The following CNTN5 variants were observed in gnomAD, a reference collection of about 807,000 sequenced individuals.
CNTN5 encodes the protein contactin-5.
A neutral mutation model predicts 129.1 loss-of-function variants in CNTN5; 77 were observed. The ratio of observed to expected loss-of-function variants is 0.60; its 90% CI spans 0.50 to 0.72. The LOEUF (loss-of-function observed/expected upper bound fraction) is 0.72. CNTN5 is among the 30% of genes least tolerant of loss of function. The pLI is 0.00. For synonymous variants in CNTN5, 509 were observed against 465.6 expected, an observed-to-expected ratio of 1.09 and a Z score of -1.20; for missense variants, 1,478 against 1,328.8, an observed-to-expected ratio of 1.11 and a Z score of -1.75.
intron 6 of CNTN5, among the ~76,000 whole-genome samples, chr11:99,914,777 A>G (rs1298224043): frequency 6.6e-6 from 1 of 152,100 alleles, no homozygotes; most frequent in Non-Finnish European, 1.5e-5. Context: ...TTCACTACTT[A>G]TTAGACCCCC....
chr11:99,557,038 A>G (rs139703024), intron 3 of CNTN5, among the ~76,000 whole-genome samples: 72 of 151,368 alleles, frequency 4.8e-4, no homozygotes, highest in African/African-American at 1.6e-3. Flanking sequence ...TTAAATCAGT[A>G]CCTATATTGT....
At chr11:99,786,110 C>A (rs934237512) in intron 3 of CNTN5, among the ~76,000 whole-genome samples, 1 of 151,946 alleles carries the variant, frequency 6.6e-6, no homozygotes. Flanking sequence ...AAAACCCCGT[C>A]GTCTCAGCCC....
intron 6 of CNTN5, among the ~76,000 whole-genome samples, chr11:99,889,522 A>T: frequency 6.7e-6 from 1 of 149,608 alleles, no homozygotes; most frequent in Non-Finnish European, 1.5e-5. Context: ...AAATTCCACT[A>T]GACATTCTTT....
At chr11:99,509,219 T>C (rs79738951) in intron 2 of CNTN5, among the ~76,000 whole-genome samples, 9,994 of 152,176 alleles carry the variant, frequency 0.066, 363 homozygotes, top group African/African-American at 0.097. Context: ...TTTGAGCTCA[T>C]CCCTGTGTTC....
intron 3 of CNTN5, among the ~76,000 whole-genome samples, chr11:99,766,597 A>G (rs1028143036): frequency 6.6e-6 from 1 of 152,068 alleles, no homozygotes; most frequent in Non-Finnish European, 1.5e-5. Context: ...CAAGAGTTTG[A>G]GACCACACTG....
chr11:99,785,730 A>T (rs1945496711), intron 3 of CNTN5, among the ~76,000 whole-genome samples: 4 of 152,184 alleles, frequency 2.6e-5, no homozygotes, highest in Admixed American at 2.6e-4. Flanking sequence ...TATCATAAAC[A>T]TAAACAGAAC....
chr11:99,363,313 T>C (rs750501723), intron 2 of CNTN5, among the ~76,000 whole-genome samples: 11 of 152,206 alleles, frequency 7.2e-5, no homozygotes, highest in Non-Finnish European at 1.5e-5. Context: ...AAGTAATTTC[T>C]CAAAAGTTTG....
In CNTN5 at chr11:99,066,248, T is replaced by G. The variant is rs562504204; in HGVS notation, c.-210+44978T>G. The stretch of plus-strand genomic sequence containing the variant: ...CCTCCTGAGTAGCTGGGACTACAGG[T>G]GTGTGGTACCACGCCCAGCTAATTT... On this transcript the variant is annotated intron_variant, in intron 1 of 24. Transcript: ENST00000524871. Among the ~76,000 whole-genome samples the G allele has an allele frequency of 7.9e-5, 12 of 152,054 alleles. No homozygotes were observed. The East Asian group carries it at 2.3e-3, about 30-fold the overall frequency.
intron 21 of CNTN5, among the ~76,000 whole-genome samples, chr11:100,333,502 T>C (rs1253652689): frequency 7.2e-6 from 1 of 139,630 alleles, no homozygotes; most frequent in Admixed American, 7.2e-5. Context: ...CAAGAACAAA[T>C]CTGGAGGCAT....
At chr11:99,591,730 G>T (rs1426859871) in intron 3 of CNTN5, among the ~76,000 whole-genome samples, 1 of 152,086 alleles carries the variant, frequency 6.6e-6, no homozygotes, top group Admixed American at 6.6e-5. Context: ...AGTAAAGAGA[G>T]GCTGGGGGAA....
intron 3 of CNTN5, among the ~76,000 whole-genome samples, chr11:99,601,815 A>T (rs1289345462): frequency 6.6e-6 from 1 of 152,134 alleles, no homozygotes; most frequent in Non-Finnish European, 1.5e-5. Flanking sequence ...GCCATAAAAG[A>T]CTGTGTATGC....
intron 3 of CNTN5, among the ~76,000 whole-genome samples, chr11:99,654,506 A>T (rs1001047190): frequency 3.9e-5 from 6 of 152,060 alleles, no homozygotes; most frequent in African/African-American, 1.4e-4. Context: ...AATGGATATG[A>T]AATGGTCCTT....
intron 3 of CNTN5, among the ~76,000 whole-genome samples, chr11:99,630,520 A>G (rs944765245): frequency 1.3e-5 from 2 of 151,612 alleles, no homozygotes; most frequent in African/African-American, 4.8e-5. Context: ...AGCAACTATC[A>G]TGCCTCACCC....
rs539222623 is a variant in CNTN5 at position 99,907,836 on chromosome 11, C to T, written c.578-8218C>T. Among the ~76,000 whole-genome samples, 16 of 152,080 alleles carry T rather than the reference C, an allele frequency of 1.1e-4. No homozygotes were observed. In the South Asian group the frequency reaches 3.1e-3, roughly 30 times the overall value. On this transcript the variant is annotated intron_variant, in intron 6 of 24. Transcript: ENST00000524871. ...GTGGGATGAATTTTTATACTGATAA[C>T]ATTGTTTTGCTCTTAGAGTATCAAA... is the stretch of plus-strand genomic sequence containing the variant.
chr11:99,690,276 C>G (rs987545453), intron 3 of CNTN5, among the ~76,000 whole-genome samples: 2 of 152,072 alleles, frequency 1.3e-5, no homozygotes, highest in East Asian at 1.9e-4. Context: ...CTATTCTGTT[C>G]CATTGGTCTA....
chr11:100,000,429 A>G (rs1939784272), intron 8 of CNTN5, among the ~76,000 whole-genome samples: 1 of 152,194 alleles, frequency 6.6e-6, no homozygotes, highest in Admixed American at 6.5e-5. Context: ...TCTCACATGT[A>G]GGGCATGATG....
intron 1 of CNTN5, among the ~76,000 whole-genome samples, chr11:99,164,348 G>A (rs1860773926): frequency 6.8e-6 from 1 of 147,738 alleles, no homozygotes; most frequent in African/African-American, 2.5e-5. Context: ...AAAAAGAGTT[G>A]CAATTGAAAA....
chr11:100,080,270 TTA>T (rs1382668484), intron 13 of CNTN5, among the ~76,000 whole-genome samples: 10 of 152,070 alleles, frequency 6.6e-5, no homozygotes, highest in African/African-American at 2.4e-4. Flanking sequence ...AAAAATAAAA[TTA>T]TCCTATGGAG....
chr11:100,318,905 G>A (rs548809565), intron 21 of CNTN5, among the ~76,000 whole-genome samples: 4 of 152,242 alleles, frequency 2.6e-5, no homozygotes, highest in South Asian at 2.1e-4. Context: ...CTAAATAGCC[G>A]AGACTTTATT....
Sources: allele counts gnomAD v4.1 joint callset (sites outside exome capture counted in the v4.1 genomes callset), GRCh38; gene constraint gnomAD v4.1.1; transcripts MANE v1.5; gene names NCBI Gene and HGNC (gene_info 2026-07-23, HGNC 2026-07-21).